The following NFE2L2 variants were observed in gnomAD, a reference collection of about 807,000 sequenced individuals.
NFE2L2 encodes the protein NFE2 like bZIP transcription factor 2.
NFE2L2 carries 20 observed loss-of-function variants against 49.6 expected under a neutral mutation model. That is an observed-to-expected ratio of 0.40 (90% CI 0.28 to 0.59). The LOEUF (loss-of-function observed/expected upper bound fraction) is 0.59. Among genes scored for constraint, NFE2L2 ranks in the 20% least tolerant of loss-of-function variants. NFE2L2 has a pLI of 0.40. For missense variants in NFE2L2, 578 were observed against 714.2 expected, an observed-to-expected ratio of 0.81 and a Z score of 2.17; for synonymous variants, 244 against 256.5, an observed-to-expected ratio of 0.95 and a Z score of 0.47.
intron 1 of NFE2L2, among the ~76,000 whole-genome samples, chr2:177,253,380 C>A (rs1382352352): frequency 6.6e-6 from 1 of 152,144 alleles, no homozygotes; most frequent in Non-Finnish European, 1.5e-5. Context: ...ATCAGAATTA[C>A]ACAAAAGATT....
At chr2:177,256,649 A>T (rs141366133) in intron 1 of NFE2L2, among the ~76,000 whole-genome samples, 202 of 152,324 alleles carry the variant, frequency 1.3e-3, no homozygotes, top group African/African-American at 4.5e-3. Flanking sequence ...ACTCCTAAGT[A>T]AAATAACAGG....
At chr2:177,249,081 G>A (rs536172798) in intron 1 of NFE2L2, among the ~76,000 whole-genome samples, 7 of 152,108 alleles carry the variant, frequency 4.6e-5, no homozygotes, top group East Asian at 1.9e-4. Flanking sequence ...ATAGCCAGGC[G>A]TGGTGGCGCG....
At chr2:177,263,668 C>T (rs1488758696) in intron 1 of NFE2L2, 2 of 985,410 alleles carry the variant, frequency 2.0e-6, no homozygotes, top group Non-Finnish European at 2.4e-6. Context: ...GGGGGCACCG[C>T]GTCCGAACTA....
chr2:177,232,360 A>C, intron 4 of NFE2L2, 32 bp downstream of exon 4: 1 of 1,573,024 alleles, frequency 6.4e-7, no homozygotes, highest in Non-Finnish European at 8.6e-7. Flanking sequence ...AATATAAAAA[A>C]AATCTCCAGT....
rs371815086 is a variant in NFE2L2 at position 177,231,493 on chromosome 2, T to G, written c.1110A>C (p.Leu370=). ...SVESSSYGDT[L]LGLSDSEVEE... is the part of the protein sequence containing the mutation. Reference sequence around the variant, plus strand: ...CCACTTCAGAATCACTGAGGCCAAGTAGTGTGTCTCCATAGCTGGAAGATT... The same window carrying G: ...CCACTTCAGAATCACTGAGGCCAAGGAGTGTGTCTCCATAGCTGGAAGATT... The change falls in exon 5 of 5, where the codon CTA becomes CTC. Residue 370 remains leucine, a synonymous_variant. Transcript: ENST00000397062. The G allele has an allele frequency of 6.2e-7, 1 of 1,614,248 alleles. No individual in the cohort carries two copies. The highest frequency in any genetic ancestry group is 1.3e-5 in the African/African-American group (1 of 75,070).
chr2:177,253,587 C>T (rs549923532), intron 1 of NFE2L2, among the ~76,000 whole-genome samples: 1 of 152,276 alleles, frequency 6.6e-6, no homozygotes, highest in Admixed American at 6.5e-5. Flanking sequence ...ATTATTTAGA[C>T]TAACAATTCA....
chr2:177,261,170 C>CAAAAAAAA (rs59040355), intron 1 of NFE2L2, among the ~76,000 whole-genome samples: 1 of 120,128 alleles, frequency 8.3e-6, no homozygotes, highest in Non-Finnish European at 1.7e-5. Context: ...GACTTCATCT[C>CAAAAAAAA]AAAAAAAAAA....
chr2:177,238,519 C>T (rs866825330), intron 1 of NFE2L2, among the ~76,000 whole-genome samples: 1 of 152,168 alleles, frequency 6.6e-6, no homozygotes, highest in African/African-American at 2.4e-5. Flanking sequence ...GTTAGTGGAT[C>T]AAATGAGGCA....
chr2:177,234,985 A>G (rs1459667645), intron 1 of NFE2L2, among the ~76,000 whole-genome samples: 1 of 152,048 alleles, frequency 6.6e-6, no homozygotes, highest in Non-Finnish European at 1.5e-5. Context: ...GTGTGGTGGT[A>G]CGTGCCTGTA....
intron 4 of NFE2L2, 164 bp from the exon 5 acceptor site, chr2:177,232,172 A>T (rs1437177214): frequency 2.2e-6 from 2 of 910,102 alleles, no homozygotes; most frequent in Non-Finnish European, 3.2e-6. Flanking sequence ...TTTACGCCTA[A>T]GCGTTATGTA....
chr2:177,242,285 T>C (rs1435683562), intron 1 of NFE2L2, among the ~76,000 whole-genome samples: 2 of 152,030 alleles, frequency 1.3e-5, no homozygotes, highest in South Asian at 2.1e-4. Context: ...TACAGTGCCT[T>C]AAAAAAAATA....
chr2:177,255,567 T>C (rs1161354878), intron 1 of NFE2L2, among the ~76,000 whole-genome samples: 1 of 152,110 alleles, frequency 6.6e-6, no homozygotes, highest in Non-Finnish European at 1.5e-5. Flanking sequence ...TTGATTTTTC[T>C]TTTTTTCATT....
rs1421511956 is a variant in NFE2L2 at position 177,230,769 on chromosome 2, T to G, written c.*16A>C. 6.4e-7 allele frequency: 1 copy of G among 1,560,962 alleles called. No homozygotes were observed. The highest frequency in any genetic ancestry group is 8.6e-7 in the Non-Finnish European group (1 of 1,160,968). ...TACAAAAAAACTAGCTCAGAAAAGG[T>G]CAAATCCTCCTAAATCTAGTTTTTC... On this transcript the variant is annotated 3_prime_UTR_variant, in exon 5 of 5. Coordinates refer to ENST00000397062, the MANE Select transcript of NFE2L2 (RefSeq NM_006164.5).
intron 1 of NFE2L2, among the ~76,000 whole-genome samples, chr2:177,242,845 CA>C (rs1366496596): frequency 1.6e-4 from 24 of 151,770 alleles, no homozygotes; most frequent in Non-Finnish European, 3.4e-4. Flanking sequence ...ACAAAAAGCA[CA>C]TGGTACTGAA....
At chr2:177,244,866 T>C (rs1690069294) in intron 1 of NFE2L2, among the ~76,000 whole-genome samples, 1 of 151,296 alleles carries the variant, frequency 6.6e-6, no homozygotes, top group South Asian at 2.1e-4. Context: ...TAGCTGGGCG[T>C]GGTGGTGGGC....
chr2:177,238,436 A>G (rs1448911039), intron 1 of NFE2L2, among the ~76,000 whole-genome samples: 1 of 152,170 alleles, frequency 6.6e-6, no homozygotes, highest in Non-Finnish European at 1.5e-5. Flanking sequence ...CCATCAGATG[A>G]TAATATTTGA....
intron 1 of NFE2L2, among the ~76,000 whole-genome samples, chr2:177,235,212 G>T (rs977790842): frequency 6.6e-6 from 1 of 152,162 alleles, no homozygotes; most frequent in Admixed American, 6.5e-5. Flanking sequence ...GATTGCTTGA[G>T]CCCAGGAGTT....
At chr2:177,264,114 C>T (rs1205106171) in intron 1 of NFE2L2, among the ~76,000 whole-genome samples, 1 of 152,080 alleles carries the variant, frequency 6.6e-6, no homozygotes, top group Non-Finnish European at 1.5e-5. Context: ...GGGGGAGCCG[C>T]GCAGCCCCGG....
chr2:177,259,536 A>G (rs1229188965), intron 1 of NFE2L2, among the ~76,000 whole-genome samples: 1 of 152,180 alleles, frequency 6.6e-6, no homozygotes. Context: ...GTTAAGAGTT[A>G]TTTATTATGG....
Sources: gnomAD v4.1 joint callset for allele counts (sites outside exome capture counted in the v4.1 genomes callset) on GRCh38, gnomAD v4.1.1 for gene constraint, MANE v1.5 for transcripts, NCBI Gene and HGNC (gene_info 2026-07-23, HGNC 2026-07-21) for gene names.